EVA1C: variants seen among roughly 807,000 people sequenced by gnomAD.
EVA1C encodes protein eva-1 homolog C.
A neutral mutation model predicts 45.4 loss-of-function variants in EVA1C; 25 were observed. The observed-to-expected ratio is 0.55, with a 90% CI of 0.40 to 0.77. EVA1C has a LOEUF of 0.77. Ranked by LOEUF, EVA1C falls within the 30% of genes least tolerant of loss-of-function variation. The probability of loss-of-function intolerance (pLI) is 0.00; values close to 1 mark genes in which losing one functional copy is unlikely to be tolerated. For missense variants in EVA1C, 479 were observed against 554.8 expected, an observed-to-expected ratio of 0.86 and a Z score of 1.37; for synonymous variants, 190 against 221.2, an observed-to-expected ratio of 0.86 and a Z score of 1.25.
At chr21:32,438,784 G>A (rs1488729970) in intron 1 of EVA1C, among the ~76,000 whole-genome samples, 2 of 152,178 alleles carry the variant, frequency 1.3e-5, no homozygotes, top group Non-Finnish European at 2.9e-5. Flanking sequence ...CAACTGAACC[G>A]TCCAGGAGAT....
At chr21:32,434,901 G>T (rs2034877322) in intron 1 of EVA1C, among the ~76,000 whole-genome samples, 1 of 152,288 alleles carries the variant, frequency 6.6e-6, no homozygotes. Context: ...GCAGCCCGAG[G>T]CATTTAATAC....
Position 32,495,129 on chromosome 21 carries a change from T to G in EVA1C, c.737T>G (p.Leu246Trp). 1.2e-6 allele frequency: 2 copies of G among 1,614,120 alleles called. No individual in the cohort carries two copies. The highest frequency in any genetic ancestry group is 1.7e-6 in the Non-Finnish European group (2 of 1,180,020). ...VNNHHFGSPC[L>W]PGVKKYLTVT... ...AATCACCATTTTGGAAGCCCCTGTT[T>G]GCCAGGCGTGAAAAAATACCTCACT... The change falls in exon 5 of 8, where the codon TTG becomes TGG. Residue 246 changes from leucine to tryptophan, a missense_variant. This residue lies in a region of EVA1C where 366 missense variants were observed against 426.1 expected (regional missense o/e 0.86). Coordinates refer to ENST00000300255, the MANE Select transcript of EVA1C (RefSeq NM_058187.5).
At chr21:32,438,546 A>G (rs916272739) in intron 1 of EVA1C, among the ~76,000 whole-genome samples, 12 of 151,898 alleles carry the variant, frequency 7.9e-5, no homozygotes, top group African/African-American at 2.7e-4. Flanking sequence ...TTTATGGTAT[A>G]AGAGCTGAAA....
intron 3 of EVA1C, among the ~76,000 whole-genome samples, chr21:32,466,887 C>G (rs1348754550): frequency 1.3e-5 from 2 of 151,094 alleles, no homozygotes; most frequent in East Asian, 3.9e-4. Flanking sequence ...TCTCCAACTT[C>G]TGGGCTCAAG....
intron 1 of EVA1C, among the ~76,000 whole-genome samples, chr21:32,432,679 T>C (rs1302432637): frequency 6.6e-6 from 1 of 152,132 alleles, no homozygotes; most frequent in African/African-American, 2.4e-5. Context: ...GCAATTCCCT[T>C]TTTCTCAGTT....
At chr21:32,480,284 G>C (rs1164915963) in intron 4 of EVA1C, among the ~76,000 whole-genome samples, 1 of 117,280 alleles carries the variant, frequency 8.5e-6, no homozygotes, top group African/African-American at 3.6e-5. Context: ...CTGGTTGACA[G>C]AGCAAGGCCC....
intron 5 of EVA1C, among the ~76,000 whole-genome samples, chr21:32,496,490 A>C (rs2037356480): frequency 6.6e-6 from 1 of 152,218 alleles, no homozygotes; most frequent in South Asian, 2.1e-4. Flanking sequence ...CTTACATCAC[A>C]GGAGGGATGG....
intron 4 of EVA1C, among the ~76,000 whole-genome samples, chr21:32,484,608 C>T (rs1009633006): frequency 6.6e-6 from 1 of 152,134 alleles, no homozygotes; most frequent in African/African-American, 2.4e-5. Context: ...CATGTGTCAC[C>T]CGGGGTTCTG....
rs149383445 is a variant in EVA1C, at chr21:32,502,960, C to A, written c.860-966C>A. 6.9e-3 allele frequency among the ~76,000 whole-genome samples: 1,043 copies of A among 152,244 alleles called. 18 individuals carry two copies. The highest frequency in any genetic ancestry group is 0.046 in the East Asian group (240 of 5,172). On this transcript the variant is annotated intron_variant, in intron 6 of 7. Coordinates refer to ENST00000300255, the MANE Select transcript of EVA1C (RefSeq NM_058187.5). ...TTATTTTTCTAACAGGGTTCCCACC[C>A]GATCCATAAACAGCCTGGTCCCCCT... is the stretch of plus-strand genomic sequence containing the variant.
At chr21:32,498,693 A>C (rs1297783483) in intron 5 of EVA1C, among the ~76,000 whole-genome samples, 1 of 152,100 alleles carries the variant, frequency 6.6e-6, no homozygotes, top group East Asian at 1.9e-4. Flanking sequence ...CACTAGCTGC[A>C]CACTAGGGGC....
At chr21:32,473,153 G>A (rs369345325) in intron 4 of EVA1C, among the ~76,000 whole-genome samples, 4 of 152,214 alleles carry the variant, frequency 2.6e-5, no homozygotes, top group East Asian at 1.9e-4. Context: ...CAAACCTTTG[G>A]CTCTCTGAGC....
At chr21:32,469,161 C>CT (rs2036286404) in intron 4 of EVA1C, among the ~76,000 whole-genome samples, 1 of 152,164 alleles carries the variant, frequency 6.6e-6, no homozygotes, top group Admixed American at 6.5e-5. Context: ...AGTCTACACC[C>CT]TCGTGGAGCT....
chr21:32,424,002 G>T (rs2034393695), intron 1 of EVA1C, among the ~76,000 whole-genome samples: 1 of 152,182 alleles, frequency 6.6e-6, no homozygotes, highest in Admixed American at 6.5e-5. Context: ...ATAATAGAGT[G>T]TAATCCCATT....
intron 6 of EVA1C, among the ~76,000 whole-genome samples, chr21:32,503,021 C>T (rs1375907207): frequency 1.3e-5 from 2 of 152,250 alleles, no homozygotes; most frequent in East Asian, 3.8e-4. Context: ...TGTGCCGTCT[C>T]TCCTCAAAGG....
At chr21:32,424,010 A>G (rs935911148) in intron 1 of EVA1C, among the ~76,000 whole-genome samples, 1 of 152,210 alleles carries the variant, frequency 6.6e-6, no homozygotes, top group Non-Finnish European at 1.5e-5. Flanking sequence ...GTGTAATCCC[A>G]TTTCAAGTCT....
At chr21:32,445,382 A>C (rs1325007531) in intron 1 of EVA1C, among the ~76,000 whole-genome samples, 1 of 152,204 alleles carries the variant, frequency 6.6e-6, no homozygotes, top group Non-Finnish European at 1.5e-5. Context: ...AAATATTTTC[A>C]AGTAAAGATC....
intron 7 of EVA1C, among the ~76,000 whole-genome samples, chr21:32,507,863 G>A (rs1264778592): frequency 2.0e-5 from 3 of 151,542 alleles, no homozygotes; most frequent in Non-Finnish European, 2.9e-5. Context: ...TTGTGCGTGT[G>A]TGCCGTCATG....
chr21:32,482,130 T>C (rs2036810652), intron 4 of EVA1C, among the ~76,000 whole-genome samples: 1 of 152,190 alleles, frequency 6.6e-6, no homozygotes, highest in Non-Finnish European at 1.5e-5. Context: ...CAGGAGTTTC[T>C]TTGTCCGAGT....
At chr21:32,475,150 C>A (rs1240520128) in intron 4 of EVA1C, among the ~76,000 whole-genome samples, 2 of 152,138 alleles carry the variant, frequency 1.3e-5, no homozygotes, top group African/African-American at 4.8e-5. Context: ...TGTATTTTTC[C>A]TCTTGCCTAT....
Sources: gnomAD v4.1 joint callset for allele counts (sites outside exome capture counted in the v4.1 genomes callset) on GRCh38, gnomAD v4.1.1 for gene constraint, gnomAD v4.1.1 regional missense constraint, MANE v1.5 for transcripts, NCBI Gene and HGNC (gene_info 2026-07-23, HGNC 2026-07-21) for gene names.